Variants in HECTD4 observed in about 807,000 individuals in gnomAD.
HECTD4 encodes the protein HECT domain E3 ubiquitin protein ligase 4.
Under a neutral mutation model 471.5 loss-of-function variants are expected in HECTD4, and 114 were observed. That is an observed-to-expected ratio of 0.24 (90% CI 0.21 to 0.28). The LOEUF is 0.28. Among genes scored for constraint, HECTD4 ranks in the 10% least tolerant of loss-of-function variants. The pLI is 1.00. For missense variants in HECTD4, 3,866 were observed against 5,651.5 expected (o/e 0.68, Z 10.13); for synonymous variants, 2,012 against 2,256.0 (o/e 0.89, Z 3.07).
chr12:112,233,111 A>G, intron 37 of HECTD4, 26 bp from the exon 38 acceptor site: 2 of 1,580,128 alleles, frequency 1.3e-6, no homozygotes, highest in Non-Finnish European at 1.7e-6. Context: ...CAGAGAACAC[A>G]GCACACCTTA....
intron 7 of HECTD4, among the ~76,000 whole-genome samples, chr12:112,286,941 A>T (rs953981760): frequency 6.6e-6 from 1 of 152,018 alleles, no homozygotes; most frequent in Non-Finnish European, 1.5e-5. Flanking sequence ...GGTACTTGCT[A>T]TTCCCTCTTG....
intron 60 of HECTD4, among the ~76,000 whole-genome samples, chr12:112,187,929 G>A (rs1017480457): frequency 6.6e-6 from 1 of 151,658 alleles, no homozygotes; most frequent in African/African-American, 2.4e-5. Context: ...CCCAGCCAAG[G>A]TTTCCTTAAA....
intron 1 of HECTD4, among the ~76,000 whole-genome samples, chr12:112,342,825 TTC>T (rs768349359): frequency 9.9e-5 from 15 of 152,216 alleles, no homozygotes; most frequent in Non-Finnish European, 8.8e-5. Context: ...AAAGTTCAAC[TTC>T]TCTTTCCAAT....
rs1291505857 is a variant in HECTD4 at position 112,203,752 on chromosome 12, A to G, written c.8290T>C (p.Ser2764Pro). ...CTGGCTACATTATTGCTGTCTGGAGAGCGGGTTACTACTGTGAGACCTGAG... is the reference window on the plus strand; with the variant it reads ...CTGGCTACATTATTGCTGTCTGGAGGGCGGGTTACTACTGTGAGACCTGAG... ...VRKGLTVVTRSPDSNNVASSA... is the reference protein window; with the variant it reads ...VRKGLTVVTRPPDSNNVASSA... The change falls in exon 54 of 76, where the codon TCT (serine) becomes CCT (proline). Residue 2764 changes from serine to proline, a missense_variant. Around this residue, in one of 16 missense-constraint regions of HECTD4, gnomAD observed 266 missense variants for 441.6 expected, o/e 0.60. Transcript: ENST00000682272. 6.2e-7 allele frequency: 1 copy of G among 1,611,924 alleles called. No individual in the cohort carries two copies. The highest frequency in any genetic ancestry group is 8.5e-7 in the Non-Finnish European group (1 of 1,178,938).
In HECTD4 at chr12:112,283,148, C is replaced by G; in HGVS notation, c.1490G>C (p.Gly497Ala). 6.2e-7 allele frequency: 1 copy of G among 1,613,628 alleles called. No individual in the cohort carries two copies. Among genetic ancestry groups the G allele is most frequent in the Non-Finnish European group, 8.5e-7 (1 of 1,179,786 alleles). Residue 497 changes from glycine (G) to alanine (A), a missense_variant, in exon 8 of 76, where the codon GGT becomes GCT. Transcript: ENST00000682272. ...TTTCAGTGTGTTGGAGATGGTGGAACCAGTCAGGGCAGCAAGCGTTGCTGA... is the reference window on the plus strand; with the variant it reads ...TTTCAGTGTGTTGGAGATGGTGGAAGCAGTCAGGGCAGCAAGCGTTGCTGA... ...SPSATLAALT[G>A]STISNTLKED... is the part of the protein sequence containing the mutation.
intron 2 of HECTD4, among the ~76,000 whole-genome samples, chr12:112,315,316 A>C (rs1426308115): frequency 1.3e-5 from 2 of 152,218 alleles, no homozygotes; most frequent in Non-Finnish European, 2.9e-5. Flanking sequence ...CAAGGCTTTA[A>C]TTGCTGGGTA....
chr12:112,312,351 G>A (rs746095064), intron 4 of HECTD4, among the ~76,000 whole-genome samples: 8 of 152,104 alleles, frequency 5.3e-5, no homozygotes, highest in Non-Finnish European at 7.4e-5. Flanking sequence ...CTGCAATTCC[G>A]CTGGTGGGAG....
chr12:112,208,379 G>A (rs139254355), intron 51 of HECTD4, 115 bp downstream of exon 51: 3 of 1,074,830 alleles, frequency 2.8e-6, no homozygotes, highest in Non-Finnish European at 3.8e-6. Flanking sequence ...GTCACTGAGA[G>A]TAACAAAACC....
chr12:112,162,563 A>G lies in HECTD4; in HGVS notation c.13121-40T>C. 6.2e-7 allele frequency: 1 copy of G among 1,612,652 alleles called. No individual in the cohort carries two copies. The highest frequency in any genetic ancestry group is 2.2e-5 in the East Asian group (1 of 44,826). ...GCCAGCATCAGAGGGTTGGGCCCAC[A>G]TCTGTGAGGCTCCCAGGGAAGCTGG... On this transcript the variant is annotated intron_variant, in intron 75 of 75. Coordinates refer to ENST00000682272, the MANE Select transcript of HECTD4 (RefSeq NM_001388303.1). This position sits in a 1 kb window ranked among gnomAD's most constrained non-coding sequence, Gnocchi z 5.2.
intron 6 of HECTD4, 42 bp from the exon 7 acceptor site, chr12:112,306,276 A>G: frequency 7.2e-7 from 1 of 1,398,352 alleles, no homozygotes; most frequent in Non-Finnish European, 9.4e-7. Flanking sequence ...AGCCACATAT[A>G]AATTCTGATT....
intron 48 of HECTD4, among the ~76,000 whole-genome samples, chr12:112,215,170 A>G (rs1488434906): frequency 6.6e-6 from 1 of 152,044 alleles, no homozygotes. Flanking sequence ...CAAACAAACA[A>G]ACAAAAAACA....
At chr12:112,268,205 A>G (rs2034324656) in intron 13 of HECTD4, among the ~76,000 whole-genome samples, 1 of 152,216 alleles carries the variant, frequency 6.6e-6, no homozygotes, top group Admixed American at 6.5e-5. Context: ...TGACATATGT[A>G]TACACCAATG....
intron 67 of HECTD4, among the ~76,000 whole-genome samples, chr12:112,172,044 C>T (rs550222653): frequency 6.6e-6 from 1 of 152,320 alleles, no homozygotes; most frequent in South Asian, 2.1e-4. Flanking sequence ...GCTGGGATTA[C>T]AGGCATGCGC....
In HECTD4 at chr12:112,163,359, G is replaced by T; in HGVS notation, c.12898-95C>A. ...GTCTGCAGGCCAGGCCCAATCCTGG[G>T]GCAGGGTGCAACGTGTGGGCTGTGA... is the stretch of plus-strand genomic sequence containing the variant. On this transcript the variant is annotated intron_variant, in intron 74 of 75. Transcript: ENST00000682272. This position sits in a 1 kb window ranked among gnomAD's most constrained non-coding sequence, Gnocchi z 8.2. The T allele has an allele frequency of 8.1e-7, 1 of 1,232,152 alleles. No individual in the cohort carries two copies. The highest frequency in any genetic ancestry group is 2.4e-4 in the Middle Eastern group (1 of 4,182). 76.3% of individuals were successfully genotyped at this position (1,232,152 alleles called of 1,614,324 possible).
rs553746373 is a variant in HECTD4 at position 112,243,268 on chromosome 12, G to A, written c.4958+85C>T. On this transcript the variant is annotated intron_variant, in intron 32 of 75. Coordinates refer to ENST00000682272, the MANE Select transcript of HECTD4 (RefSeq NM_001388303.1). The surrounding 1 kb of genome is among the most constrained non-coding windows in gnomAD (Gnocchi z 6.6). Reference sequence around the variant, plus strand: ...GAGGAAAACATTAGCAAATACTACCGCCTATGTTTGGGTCCCAAGAATAAT... The same window carrying A: ...GAGGAAAACATTAGCAAATACTACCACCTATGTTTGGGTCCCAAGAATAAT... The A allele has an allele frequency of 2.8e-5, 33 of 1,182,088 alleles. No homozygotes were observed. In the South Asian group the frequency reaches 3.4e-4, roughly 12 times the overall value. 73.2% of individuals were successfully genotyped at this position (1,182,088 alleles called of 1,614,324 possible). A position where few individuals can be genotyped will look rare whatever the true frequency, so the allele number is the denominator to read the frequency against.
intron 26 of HECTD4, 39 bp downstream of exon 26, chr12:112,248,281 C>A: frequency 6.5e-7 from 1 of 1,535,160 alleles, no homozygotes; most frequent in South Asian, 1.2e-5. Flanking sequence ...TTTAAATTTC[C>A]ATAAAAGAAA....
At chr12:112,343,366 T>C (rs2036086865) in intron 1 of HECTD4, among the ~76,000 whole-genome samples, 1 of 152,220 alleles carries the variant, frequency 6.6e-6, no homozygotes, top group Non-Finnish European at 1.5e-5. Flanking sequence ...CAAATGCAAT[T>C]CAACAAGCTT....
At position 112,192,594 on chromosome 12, in the gene HECTD4, C is replaced by A. The variant is rs368387852; in HGVS notation, c.9258G>T (p.Val3086=). 9 of 1,603,806 alleles carry A rather than the reference C, an allele frequency of 5.6e-6. No homozygotes were observed. The highest frequency in any genetic ancestry group is 2.2e-5 in the East Asian group (1 of 44,762). The part of the protein sequence containing the change: ...PPPTADQYPS[V]VLSTDRVHIK... ...TGTGGACCCTGTCTGTGGAGAGGAC[C>A]ACAGAGGGGTACTGGTCAGCGGTGG... The change falls in exon 59 of 76, where the codon GTG becomes GTT. Residue 3086 remains valine (V), a synonymous_variant. Transcript: ENST00000682272.
Position 112,188,253 on chromosome 12 carries a change from C to A in HECTD4, c.9472+2533G>T, listed in dbSNP as rs554545890. Among the ~76,000 whole-genome samples, 3 of 152,110 alleles carry A rather than the reference C, an allele frequency of 2.0e-5. No homozygotes were observed. Among genetic ancestry groups the A allele is most frequent in the Admixed American group, 1.3e-4 (2 of 15,278 alleles). On this transcript the variant is annotated intron_variant, in intron 60 of 75. Coordinates refer to ENST00000682272, the MANE Select transcript of HECTD4 (RefSeq NM_001388303.1). This position sits in a 1 kb window ranked among gnomAD's most constrained non-coding sequence, Gnocchi z 4.2. ...GCAGTGAGCTGAGATCGCACCACTG[C>A]GCTCCAGCCTGGGTGACAGAGTGAG...
Sources: gnomAD v4.1 joint callset for allele counts (sites outside exome capture counted in the v4.1 genomes callset) on GRCh38, gnomAD v4.1.1 for gene constraint, gnomAD v4.1.1 regional missense constraint, Gnocchi (gnomAD v3.1) non-coding constraint, MANE v1.5 for transcripts, NCBI Gene and HGNC (gene_info 2026-07-23, HGNC 2026-07-21) for gene names.